BCAS3: variants seen among roughly 807,000 people sequenced by gnomAD.
BCAS3 encodes the protein BCAS3 microtubule associated cell migration factor, also known as BCAS4/BCAS3 fusion.
Under a neutral mutation model 116.1 loss-of-function variants are expected in BCAS3, and 53 were observed. The observed-to-expected ratio is 0.46, with a 90% CI of 0.37 to 0.57. The LOEUF (loss-of-function observed/expected upper bound fraction) is 0.57. Among genes scored for constraint, BCAS3 ranks in the 20% least tolerant of loss-of-function variants. BCAS3 has a pLI of 0.00. For synonymous variants in BCAS3, 391 were observed against 408.2 expected (o/e 0.96, Z 0.51); for missense variants, 917 against 1,165.4 (o/e 0.79, Z 3.10).
intron 5 of BCAS3, among the ~76,000 whole-genome samples, chr17:60,715,669 G>A (rs1174855205): frequency 6.6e-6 from 1 of 151,506 alleles, no homozygotes; most frequent in Admixed American, 6.6e-5. Context: ...TGTATTTTTA[G>A]TAGAGATGGG....
Position 61,131,594 on chromosome 17 carries a change from C to A in BCAS3, c.2425+47030C>A, listed in dbSNP as rs1045318741. 6.6e-6 allele frequency among the ~76,000 whole-genome samples: 1 copy of A among 152,140 alleles called. No homozygotes were observed. The highest frequency in any genetic ancestry group is 1.5e-5 in the Non-Finnish European group (1 of 68,020). On this transcript the variant is annotated intron_variant, in intron 22 of 23. Transcript: ENST00000407086. The surrounding 1 kb of genome is among the most constrained non-coding windows in gnomAD (Gnocchi z 4.4). Reference sequence around the variant, plus strand: ...CCCTTCCTTCTTCATTAATTTATTTCTCCATAAAGGCCTTTCTTCCTTGAG... The same window carrying A: ...CCCTTCCTTCTTCATTAATTTATTTATCCATAAAGGCCTTTCTTCCTTGAG...
intron 6 of BCAS3, among the ~76,000 whole-genome samples, chr17:60,767,261 C>T (rs1598568728): frequency 2.0e-5 from 3 of 151,754 alleles, no homozygotes. Context: ...ATGCAGAAAT[C>T]ACCAATCTTC....
chr17:60,928,012 C>G (rs1258491159), intron 13 of BCAS3, among the ~76,000 whole-genome samples: 1 of 152,152 alleles, frequency 6.6e-6, no homozygotes, highest in African/African-American at 2.4e-5. Flanking sequence ...AACCCTTTAT[C>G]AAAAAGGTTG....
chr17:60,739,010 T>C (rs1417111674), intron 5 of BCAS3, among the ~76,000 whole-genome samples: 1 of 152,208 alleles, frequency 6.6e-6, no homozygotes, highest in East Asian at 1.9e-4. Flanking sequence ...TTTCTTACCT[T>C]TCTTAGCATA....
chr17:61,108,113 C>T (rs1398386846), intron 22 of BCAS3, among the ~76,000 whole-genome samples: 2 of 151,994 alleles, frequency 1.3e-5, no homozygotes, highest in Non-Finnish European at 1.5e-5. Context: ...TTAGTGCATG[C>T]GCATCTCGGG....
In BCAS3 at chr17:61,259,967, G is replaced by C. The variant is rs752155565; in HGVS notation, c.2426-108360G>C. Among the ~76,000 whole-genome samples, 1 of 152,166 alleles carries C rather than the reference G, an allele frequency of 6.6e-6. No homozygotes were observed. The highest frequency in any genetic ancestry group is 1.5e-5 in the Non-Finnish European group (1 of 68,018). On this transcript the variant is annotated intron_variant, in intron 22 of 23. Coordinates refer to ENST00000407086, the MANE Select transcript of BCAS3 (RefSeq NM_017679.5). The surrounding 1 kb of genome is among the most constrained non-coding windows in gnomAD (Gnocchi z 4.7). ...TGCTGTGTGAGGTAGGCGTTGTACA[G>C]GCTGCCTAACATAGTTTTTTATTAA...
chr17:60,814,304 T>TGCGCGCGTGC (rs59755143), intron 7 of BCAS3, among the ~76,000 whole-genome samples: 64 of 136,804 alleles, frequency 4.7e-4, no homozygotes, highest in African/African-American at 1.9e-3. Flanking sequence ...TGTGTGTGTG[T>TGCGCGCGTGC]GTGCGCGCGT....
At chr17:60,726,952 C>A (rs2039940287) in intron 5 of BCAS3, among the ~76,000 whole-genome samples, 1 of 152,014 alleles carries the variant, frequency 6.6e-6, no homozygotes, top group African/African-American at 2.4e-5. Flanking sequence ...GTCAATTTTA[C>A]TAGTTAGTGT....
Position 60,951,764 on chromosome 17 carries a change from CTT to C in BCAS3, c.1221+4433_1221+4434del, listed in dbSNP as rs769133578. Among the ~76,000 whole-genome samples the C allele has an allele frequency of 9.1e-3, 999 of 109,524 alleles. 8 individuals carry two copies. Among genetic ancestry groups the C allele is most frequent in the African/African-American group, 0.034 (920 of 26,712 alleles). The allele number at this position is 109,524 out of a possible 152,430, so 71.9% of individuals were successfully genotyped here. A position where few individuals can be genotyped will look rare whatever the true frequency, so the allele number is the denominator to read the frequency against. Reference sequence around the variant, plus strand: ...AGGGTCTTGGCATTTTCTTTTCTTTCTTTTTTTTTTTTTTTTTTTTTTCTTTG... The same window carrying C: ...AGGGTCTTGGCATTTTCTTTTCTTTCTTTTTTTTTTTTTTTTTTTTCTTTG... On this transcript the variant is annotated intron_variant, in intron 14 of 23. Transcript: ENST00000407086.
chr17:61,347,558 G>C lies in BCAS3; in HGVS notation c.2426-20769G>C, dbSNP rs2057574735. Among the ~76,000 whole-genome samples, 2 of 152,224 alleles carry C rather than the reference G, an allele frequency of 1.3e-5. No individual in the cohort carries two copies. Among genetic ancestry groups the C allele is most frequent in the African/African-American group, 4.8e-5 (2 of 41,458 alleles). On this transcript the variant is annotated intron_variant, in intron 22 of 23. Coordinates refer to ENST00000407086, the MANE Select transcript of BCAS3 (RefSeq NM_017679.5). This position sits in a 1 kb window ranked among gnomAD's most constrained non-coding sequence, Gnocchi z 4.3. ...ATGAAAAGCCAGATGCTGCCCAGCAGGAACTTACAGTCTAGTGGGAAGAAT... is the reference window on the plus strand; with the variant it reads ...ATGAAAAGCCAGATGCTGCCCAGCACGAACTTACAGTCTAGTGGGAAGAAT...
chr17:61,368,071 G>C lies in BCAS3; in HGVS notation c.2426-256G>C, dbSNP rs2058833832. 2.8e-6 allele frequency: 1 copy of C among 353,852 alleles called. No individual in the cohort carries two copies. Among genetic ancestry groups the C allele is most frequent in the African/African-American group, 2.1e-5 (1 of 48,164 alleles). The allele number at this position is 353,852 out of a possible 1,614,324, so 21.9% of individuals were successfully genotyped here. A position where few individuals can be genotyped will look rare whatever the true frequency, so the allele number is the denominator to read the frequency against. ...TCTTAAGGTGGTCCCTGAAGACCAG[G>C]GGAACCCTGTAGCTCCTCAGAAACA... is the stretch of plus-strand genomic sequence containing the variant. On this transcript the variant is annotated intron_variant, in intron 22 of 23. Coordinates refer to ENST00000407086, the MANE Select transcript of BCAS3 (RefSeq NM_017679.5). This position sits in a 1 kb window ranked among gnomAD's most constrained non-coding sequence, Gnocchi z 6.0.
chr17:61,087,797 G>C lies in BCAS3; in HGVS notation c.2425+3233G>C, dbSNP rs2073206421. Reference sequence around the variant, plus strand: ...ACTGTCTCTCTGTAAAATACATATAGAGTATTTTTGATTTTCAGCAGTTCT... The same window carrying C: ...ACTGTCTCTCTGTAAAATACATATACAGTATTTTTGATTTTCAGCAGTTCT... On this transcript the variant is annotated intron_variant, in intron 22 of 23. Transcript: ENST00000407086. This position sits in a 1 kb window ranked among gnomAD's most constrained non-coding sequence, Gnocchi z 4.6. 6.6e-6 allele frequency among the ~76,000 whole-genome samples: 1 copy of C among 152,144 alleles called. No homozygotes were observed. Among genetic ancestry groups the C allele is most frequent in the Non-Finnish European group, 1.5e-5 (1 of 68,024 alleles).
chr17:61,014,681 G>C (rs2065329447), intron 15 of BCAS3, among the ~76,000 whole-genome samples: 1 of 151,932 alleles, frequency 6.6e-6, no homozygotes, highest in Admixed American at 6.6e-5. Context: ...GACTGGAAAG[G>C]CAGAAGTAAA....
At chr17:61,267,813 G>T (rs1036762771) in intron 22 of BCAS3, among the ~76,000 whole-genome samples, 1 of 151,944 alleles carries the variant, frequency 6.6e-6, no homozygotes, top group African/African-American at 2.4e-5. Context: ...TACTGTGTAA[G>T]AAAGGACCAT....
At chr17:61,080,032 G>A (rs753354928) in intron 21 of BCAS3, among the ~76,000 whole-genome samples, 5 of 151,568 alleles carry the variant, frequency 3.3e-5, no homozygotes, top group Admixed American at 1.3e-4. Flanking sequence ...AACCTCCTGA[G>A]TAGCTAGTAT....
At chr17:60,728,149 A>G (rs1404753569) in intron 5 of BCAS3, among the ~76,000 whole-genome samples, 1 of 152,078 alleles carries the variant, frequency 6.6e-6, no homozygotes, top group Non-Finnish European at 1.5e-5. Flanking sequence ...TTGACAGATA[A>G]TATAATGACA....
intron 22 of BCAS3, chr17:61,086,876 G>C: frequency 1.0e-6 from 1 of 985,272 alleles, no homozygotes; most frequent in Non-Finnish European, 1.2e-6. Flanking sequence ...TTTTGAATGA[G>C]AAATATATGT....
rs2145303683 is a variant in BCAS3, at chr17:60,960,435, A to G, written c.1221+13083A>G. Among the ~76,000 whole-genome samples the G allele has an allele frequency of 6.6e-6, 1 of 152,330 alleles. No homozygotes were observed. The highest frequency in any genetic ancestry group is 1.9e-4 in the East Asian group (1 of 5,180). On this transcript the variant is annotated intron_variant, in intron 14 of 23. Coordinates refer to ENST00000407086, the MANE Select transcript of BCAS3 (RefSeq NM_017679.5). The surrounding 1 kb of genome is among the most constrained non-coding windows in gnomAD (Gnocchi z 4.1). ...CAAAATACAGTAGTAGGATATGCGTAGGATAGACATTTCAAAAGGAAGAAA... is the reference window on the plus strand; with the variant it reads ...CAAAATACAGTAGTAGGATATGCGTGGGATAGACATTTCAAAAGGAAGAAA...
intron 14 of BCAS3, among the ~76,000 whole-genome samples, chr17:60,952,465 G>A (rs568991347): frequency 4.0e-4 from 60 of 151,874 alleles, no homozygotes; most frequent in Admixed American, 6.6e-4. Context: ...GGTTACAGGC[G>A]CCCAACAGCA....
Sources: allele counts gnomAD v4.1 joint callset (sites outside exome capture counted in the v4.1 genomes callset), GRCh38; gene constraint gnomAD v4.1.1; non-coding constraint Gnocchi (gnomAD v3.1); transcripts MANE v1.5; gene names NCBI Gene and HGNC (gene_info 2026-07-23, HGNC 2026-07-21).